SLC15A1: variants seen among roughly 807,000 people sequenced by gnomAD.
The protein encoded by SLC15A1 is Caco-2 oligopeptide transporter.
Under a neutral mutation model 92.9 loss-of-function variants are expected in SLC15A1, and 83 were observed. The ratio of observed to expected loss-of-function variants is 0.89; its 90% CI spans 0.75 to 1.07. The LOEUF is 1.07. SLC15A1 is among the 50% of genes least tolerant of loss of function. The probability of loss-of-function intolerance (pLI) is 0.00; values close to 1 mark genes in which losing one functional copy is unlikely to be tolerated. For synonymous variants in SLC15A1, 322 were observed against 318.2 expected, an observed-to-expected ratio of 1.01 and a Z score of -0.13; for missense variants, 857 against 880.1, an observed-to-expected ratio of 0.97 and a Z score of 0.33.
chr13:98,752,595 C>T lies in SLC15A1; in HGVS notation c.4G>A (p.Gly2Arg). 8.0e-7 allele frequency: 1 copy of T among 1,257,408 alleles called. No homozygotes were observed. The highest frequency in any genetic ancestry group is 3.2e-5 in the South Asian group (1 of 31,532). 77.9% of individuals were successfully genotyped at this position (1,257,408 alleles called of 1,614,324 possible). M[G>R]MSKSHSFFGY... Reference sequence around the variant, plus strand: ...CCGGCCCCCCACCCGCCGAGCGTACCCATGGCGGCGGCTCCCAGGGCTCCT... The same window carrying T: ...CCGGCCCCCCACCCGCCGAGCGTACTCATGGCGGCGGCTCCCAGGGCTCCT... Residue 2 changes from glycine (G) to arginine (R), a missense_variant and splice_region_variant, in exon 1 of 23, where the codon GGA becomes AGA. Gly to Arg is a moderately radical substitution (Grantham distance 125, BLOSUM62 -2). Coordinates refer to ENST00000376503, the MANE Select transcript of SLC15A1 (RefSeq NM_005073.4).
intron 17 of SLC15A1, among the ~76,000 whole-genome samples, chr13:98,702,945 G>A (rs544372576): frequency 7.2e-6 from 1 of 139,316 alleles, no homozygotes; most frequent in East Asian, 2.3e-4. Context: ...TCCAGATGGT[G>A]CAACAGGGGG....
At chr13:98,700,075 T>G (rs1330723029) in intron 18 of SLC15A1, among the ~76,000 whole-genome samples, 1 of 152,250 alleles carries the variant, frequency 6.6e-6, no homozygotes, top group East Asian at 1.9e-4. Context: ...TTACATATTT[T>G]GGATACAAGT....
At chr13:98,702,582 A>G in intron 17 of SLC15A1, 53 bp from the exon 18 acceptor site, 1 of 1,333,762 alleles carries the variant, frequency 7.5e-7, no homozygotes, top group Non-Finnish European at 1.1e-6. Flanking sequence ...ATTCATTAGA[A>G]TGAGTTCAGA....
chr13:98,740,160 C>T (rs1317313476), intron 1 of SLC15A1, among the ~76,000 whole-genome samples: 2 of 152,164 alleles, frequency 1.3e-5, no homozygotes, highest in Admixed American at 6.5e-5. Flanking sequence ...GTGGAGGTTG[C>T]TATAGTGTGC....
chr13:98,708,666 A>G lies in SLC15A1; in HGVS notation c.1149+20T>C, dbSNP rs567786009. 5.9e-5 allele frequency: 94 copies of G among 1,606,738 alleles called. 3 individuals are homozygous for G. The South Asian group carries it at 1.0e-3, about 17-fold the overall frequency. On this transcript the variant is annotated intron_variant, in intron 15 of 22. Coordinates refer to ENST00000376503, the MANE Select transcript of SLC15A1 (RefSeq NM_005073.4). Reference sequence around the variant, plus strand: ...TAAATCCACCAGGAAAGGACATGGGAGAACCAGGGGACAACTCACATCGAT... The same window carrying G: ...TAAATCCACCAGGAAAGGACATGGGGGAACCAGGGGACAACTCACATCGAT...
intron 18 of SLC15A1, among the ~76,000 whole-genome samples, chr13:98,694,142 A>C (rs892229437): frequency 5.3e-5 from 8 of 152,214 alleles, no homozygotes; most frequent in African/African-American, 4.8e-5. Context: ...TATAGATGAA[A>C]TCTTTTTAAA....
chr13:98,697,804 G>C (rs745667176), intron 18 of SLC15A1, among the ~76,000 whole-genome samples: 8 of 152,114 alleles, frequency 5.3e-5, no homozygotes, highest in Non-Finnish European at 1.0e-4. Context: ...TAGAAAGAAG[G>C]CTGAGAAAGA....
intron 18 of SLC15A1, among the ~76,000 whole-genome samples, chr13:98,695,315 G>A (rs1316072165): frequency 2.6e-5 from 4 of 152,096 alleles, no homozygotes; most frequent in African/African-American, 7.2e-5. Flanking sequence ...TCGAACTCCT[G>A]AGCTCAAGTA....
intron 1 of SLC15A1, among the ~76,000 whole-genome samples, chr13:98,735,310 T>A (rs1009358114): frequency 2.6e-5 from 4 of 152,174 alleles, no homozygotes; most frequent in Non-Finnish European, 4.4e-5. Context: ...AAACTCTCAA[T>A]AAACTAGGTA....
At chr13:98,752,402 G>A (rs577533024) in intron 1 of SLC15A1, among the ~76,000 whole-genome samples, 193 bp downstream of exon 1, 1 of 152,080 alleles carries the variant, frequency 6.6e-6, no homozygotes, top group African/African-American at 2.4e-5. Context: ...TCTGGCTTCC[G>A]CGCCCCGGCC....
intron 17 of SLC15A1, among the ~76,000 whole-genome samples, chr13:98,703,694 C>T (rs1254933371): frequency 3.3e-5 from 5 of 151,630 alleles, no homozygotes; most frequent in East Asian, 1.9e-4. Context: ...GTAGCTGGGA[C>T]GACAGGCATG....
chr13:98,728,992 A>AAAAAAAAAAAAAC (rs2088325138), intron 1 of SLC15A1, among the ~76,000 whole-genome samples: 3 of 146,680 alleles, frequency 2.0e-5, no homozygotes, highest in African/African-American at 2.5e-5. Context: ...AAAAAAAAAA[A>AAAAAAAAAAAAAC]AAAAAAAAAA....
At chr13:98,699,284 G>A (rs1294631360) in intron 18 of SLC15A1, among the ~76,000 whole-genome samples, 1 of 152,222 alleles carries the variant, frequency 6.6e-6, no homozygotes, top group Non-Finnish European at 1.5e-5. Context: ...GAAGGAACCA[G>A]TGAGCTGTCC....
intron 18 of SLC15A1, among the ~76,000 whole-genome samples, chr13:98,690,670 C>T (rs978012069): frequency 6.6e-5 from 10 of 152,072 alleles, no homozygotes; most frequent in African/African-American, 1.2e-4. Flanking sequence ...CGTCCGGAGG[C>T]GATTCAGTGG....
At chr13:98,707,878 G>C (rs534388569) in intron 15 of SLC15A1, among the ~76,000 whole-genome samples, 1 of 118,896 alleles carries the variant, frequency 8.4e-6, no homozygotes, top group Non-Finnish European at 1.6e-5. Flanking sequence ...AGGCGACAGA[G>C]TGAGACCCTG....
At chr13:98,716,983 A>G (rs1216358387) in intron 8 of SLC15A1, among the ~76,000 whole-genome samples, 2 of 152,206 alleles carry the variant, frequency 1.3e-5, no homozygotes, top group African/African-American at 2.4e-5. Context: ...CCAGTAGTTC[A>G]AGAGCAGCCT....
chr13:98,687,709 C>T lies in SLC15A1; in HGVS notation c.1699G>A (p.Glu567Lys), dbSNP rs1437590904. Residue 567 changes from glutamate to lysine, a missense_variant, in exon 21 of 23, where the codon GAA becomes AAA. Transcript: ENST00000376503. ...GAAATATCTTCAAACACCTTCACTT[C>T]AGGGCAGCTGTCATTCTGCAGCAGT... ...IVQRKNDSCP[E>K]VKVFEDISAN... The T allele has an allele frequency of 1.2e-6, 2 of 1,613,802 alleles. No individual in the cohort carries two copies. Among genetic ancestry groups the T allele is most frequent in the Admixed American group, 3.3e-5 (2 of 59,956 alleles).
At chr13:98,685,104 T>G (rs929270674) in intron 22 of SLC15A1, among the ~76,000 whole-genome samples, 189 bp from the exon 23 acceptor site, 1 of 152,196 alleles carries the variant, frequency 6.6e-6, no homozygotes, top group Non-Finnish European at 1.5e-5. Context: ...CCAAGATAGA[T>G]AGATGCTAAT....
intron 1 of SLC15A1, among the ~76,000 whole-genome samples, chr13:98,744,774 G>GAAAAAAAAAA (rs2088479856): frequency 7.9e-6 from 1 of 126,160 alleles, no homozygotes. Flanking sequence ...AAAAAAAAAG[G>GAAAAAAAAAA]CAAAAACCGC....
Sources: allele counts gnomAD v4.1 joint callset (sites outside exome capture counted in the v4.1 genomes callset), GRCh38; gene constraint gnomAD v4.1.1; transcripts MANE v1.5; gene names NCBI Gene and HGNC (gene_info 2026-07-23, HGNC 2026-07-21).